The following SH3BGR variants were observed in gnomAD, a reference collection of about 807,000 sequenced individuals.
The protein encoded by SH3BGR is SH3 domain-binding glutamic acid-rich protein.
A neutral mutation model predicts 24.5 loss-of-function variants in SH3BGR; 29 were observed. The ratio of observed to expected loss-of-function variants is 1.18; its 90% CI spans 0.88 to 1.61. SH3BGR has a LOEUF of 1.61. SH3BGR is among the 40% of genes most tolerant of loss of function. SH3BGR has a pLI of 0.00. For synonymous variants in SH3BGR, 55 were observed against 65.7 expected (o/e 0.84, Z 0.79); for missense variants, 162 against 205.8 (o/e 0.79, Z 1.30).
At chr21:39,508,934 C>G in intron 4 of SH3BGR, 64 bp from the exon 5 acceptor site, 1 of 1,291,154 alleles carries the variant, frequency 7.7e-7, no homozygotes, top group Non-Finnish European at 1.1e-6. Flanking sequence ...GCTTGATTTT[C>G]AGATTTGACT....
At chr21:39,505,854 C>T (rs2078573408) in intron 4 of SH3BGR, among the ~76,000 whole-genome samples, 1 of 152,146 alleles carries the variant, frequency 6.6e-6, no homozygotes, top group South Asian at 2.1e-4. Flanking sequence ...TCCTACTGCC[C>T]CCCAGGCTAG....
chr21:39,510,106 C>A (rs1323000915), intron 5 of SH3BGR, among the ~76,000 whole-genome samples: 1 of 145,384 alleles, frequency 6.9e-6, no homozygotes, highest in Non-Finnish European at 1.5e-5. Context: ...CCGCGCCCGG[C>A]TAATTTTTTG....
chr21:39,466,289 C>G (rs969987089), intron 2 of SH3BGR, among the ~76,000 whole-genome samples: 1 of 152,188 alleles, frequency 6.6e-6, no homozygotes, highest in Admixed American at 6.5e-5. Flanking sequence ...TTGCTTCTAC[C>G]TGGATTTCTT....
intron 2 of SH3BGR, among the ~76,000 whole-genome samples, chr21:39,469,015 T>C (rs1456392133): frequency 1.3e-5 from 2 of 151,220 alleles, no homozygotes; most frequent in Admixed American, 6.6e-5. Flanking sequence ...TGTCTAGTTT[T>C]TTTTTTTTTT....
At chr21:39,470,318 G>A (rs890017560) in intron 2 of SH3BGR, among the ~76,000 whole-genome samples, 11 of 151,184 alleles carry the variant, frequency 7.3e-5, no homozygotes, top group African/African-American at 1.7e-4. Context: ...GAGTGCAGTC[G>A]TGCAGTCTTG....
At chr21:39,450,004 A>T (rs2077554851), upstream of SH3BGR, among the ~76,000 whole-genome samples, 1 of 152,200 alleles carries the variant, frequency 6.6e-6, no homozygotes, top group South Asian at 2.1e-4. Context: ...TAATCAAGAG[A>T]TGCGTATTCT....
intron 2 of SH3BGR, among the ~76,000 whole-genome samples, chr21:39,462,761 G>C (rs1241260171): frequency 6.6e-6 from 1 of 152,200 alleles, no homozygotes; most frequent in African/African-American, 2.4e-5. Flanking sequence ...ACAATATCAT[G>C]ATGATTCAGA....
At chr21:39,483,336 T>C (rs1007423968) in intron 3 of SH3BGR, among the ~76,000 whole-genome samples, 1 of 152,208 alleles carries the variant, frequency 6.6e-6, no homozygotes. Context: ...TCAACATAGA[T>C]ATTGCCATTT....
intron 4 of SH3BGR, among the ~76,000 whole-genome samples, chr21:39,501,597 T>C (rs2078495358): frequency 6.6e-6 from 1 of 152,222 alleles, no homozygotes; most frequent in Non-Finnish European, 1.5e-5. Flanking sequence ...TTTAATGCCA[T>C]TTATCCTACA....
chr21:39,466,559 A>G (rs963456062), intron 2 of SH3BGR, among the ~76,000 whole-genome samples: 1 of 152,240 alleles, frequency 6.6e-6, no homozygotes, highest in Non-Finnish European at 1.5e-5. Flanking sequence ...ACAGTTCAGC[A>G]TGGCTGGAAA....
At chr21:39,496,236 C>T (rs373753565) in intron 3 of SH3BGR, among the ~76,000 whole-genome samples, 194 of 152,102 alleles carry the variant, frequency 1.3e-3, no homozygotes, top group African/African-American at 4.5e-3. Flanking sequence ...CGCGGTGGCT[C>T]ACGCCTGTAA....
intron 1 of SH3BGR, among the ~76,000 whole-genome samples, chr21:39,458,867 G>A (rs1453110397): frequency 1.3e-5 from 2 of 151,718 alleles, no homozygotes; most frequent in Non-Finnish European, 1.5e-5. Context: ...GGCTGGTCTC[G>A]AACTCCTGGC....
At chr21:39,465,753 G>A (rs1475663965) in intron 2 of SH3BGR, among the ~76,000 whole-genome samples, 4 of 151,962 alleles carry the variant, frequency 2.6e-5, no homozygotes, top group Non-Finnish European at 5.9e-5. Flanking sequence ...ACCACACCTC[G>A]CTAATGTTTT....
At chr21:39,509,578 G>A (rs1370572849) in intron 5 of SH3BGR, among the ~76,000 whole-genome samples, 1 of 148,714 alleles carries the variant, frequency 6.7e-6, no homozygotes, top group African/African-American at 2.5e-5. Flanking sequence ...GGGTTCAAGC[G>A]ATTCTCCTGC....
Position 39,510,648 on chromosome 21 carries a change from T to C in SH3BGR, c.436-1032T>C, listed in dbSNP as rs1035191029. Among the ~76,000 whole-genome samples the C allele has an allele frequency of 2.6e-5, 4 of 152,092 alleles. No homozygotes were observed. The East Asian group carries it at 7.7e-4, about 29-fold the overall frequency. On this transcript the variant is annotated intron_variant, in intron 5 of 6. Transcript: ENST00000333634. ...ATTATTTCTAGTATATTCTACACCA[T>C]GATTTCTCAATATTTACGTCTTTCC...
chr21:39,466,989 T>C (rs2077854163), intron 2 of SH3BGR, among the ~76,000 whole-genome samples: 1 of 152,212 alleles, frequency 6.6e-6, no homozygotes, highest in Non-Finnish European at 1.5e-5. Context: ...ATTCAGATTT[T>C]TGTTAAGGAA....
intron 3 of SH3BGR, among the ~76,000 whole-genome samples, chr21:39,483,293 A>T (rs1037806703): frequency 2.0e-5 from 3 of 152,212 alleles, no homozygotes; most frequent in Non-Finnish European, 4.4e-5. Flanking sequence ...TTTCAGCAAC[A>T]AAAATAAAAT....
intron 1 of SH3BGR, among the ~76,000 whole-genome samples, chr21:39,460,837 T>C (rs1365018589): frequency 6.6e-6 from 1 of 152,212 alleles, no homozygotes; most frequent in East Asian, 1.9e-4. Flanking sequence ...TCACCCAAGC[T>C]GGAGTGCAGT....
chr21:39,469,874 T>C (rs1383749683), intron 2 of SH3BGR, among the ~76,000 whole-genome samples: 1 of 152,122 alleles, frequency 6.6e-6, no homozygotes, highest in Non-Finnish European at 1.5e-5. Flanking sequence ...CAGGTTGGTC[T>C]TGGACTCCTG....
Sources: gnomAD v4.1 joint callset for allele counts (sites outside exome capture counted in the v4.1 genomes callset) on GRCh38, gnomAD v4.1.1 for gene constraint, MANE v1.5 for transcripts, NCBI Gene and HGNC (gene_info 2026-07-23, HGNC 2026-07-21) for gene names.